The following TAB2 variants were observed in gnomAD, a reference collection of about 807,000 sequenced individuals.
TAB2 encodes TGF-beta-activated kinase 1 and MAP3K7-binding protein 2.
Under a neutral mutation model 65.0 loss-of-function variants are expected in TAB2, and 3 were observed. That is an observed-to-expected ratio of 0.05 (90% CI 0.02 to 0.12). The LOEUF (loss-of-function observed/expected upper bound fraction) is 0.12, where lower values mean the gene tolerates loss of function less well. Among genes scored for constraint, TAB2 ranks in the 10% least tolerant of loss-of-function variants. TAB2 has a pLI of 1.00. For synonymous variants in TAB2, 298 were observed against 285.1 expected, an observed-to-expected ratio of 1.05 and a Z score of -0.46; for missense variants, 623 against 840.3, an observed-to-expected ratio of 0.74 and a Z score of 3.20.
chr6:149,332,083 G>A (rs1215318750), intron 1 of TAB2, among the ~76,000 whole-genome samples: 2 of 152,148 alleles, frequency 1.3e-5, no homozygotes, highest in African/African-American at 4.8e-5. Context: ...TTTGGCGCAA[G>A]CAATTGGAAG....
At chr6:149,403,373 CAT>C (rs1361611139) in intron 6 of TAB2, among the ~76,000 whole-genome samples, 31 of 117,534 alleles carry the variant, frequency 2.6e-4, no homozygotes, top group Admixed American at 5.8e-4. Flanking sequence ...CACACACACA[CAT>C]ACACATACAC....
intron 1 of TAB2, among the ~76,000 whole-genome samples, chr6:149,260,349 G>T (rs1778126269): frequency 6.6e-6 from 1 of 152,340 alleles, no homozygotes; most frequent in African/African-American, 2.4e-5. Flanking sequence ...GCGTGCTCCA[G>T]CGCAGCCTTC....
chr6:149,307,975 T>C (rs189678902), intron 1 of TAB2, among the ~76,000 whole-genome samples: 237 of 152,320 alleles, frequency 1.6e-3, no homozygotes, highest in African/African-American at 5.6e-3. Context: ...ATAGTATTTT[T>C]GACAATGTCA....
chr6:149,277,369 T>A (rs1228670440), intron 1 of TAB2, among the ~76,000 whole-genome samples: 1 of 152,078 alleles, frequency 6.6e-6, no homozygotes, highest in Non-Finnish European at 1.5e-5. Flanking sequence ...AAAGAACAAA[T>A]AAGCTCTTTA....
At chr6:149,229,435 T>A (rs1474966716) in intron 1 of TAB2, among the ~76,000 whole-genome samples, 1 of 152,000 alleles carries the variant, frequency 6.6e-6, no homozygotes, top group African/African-American at 2.4e-5. Flanking sequence ...TGTGTGTAAT[T>A]TTTTTCTTTT....
At chr6:149,276,207 GTTTAT>G (rs1778470820) in intron 1 of TAB2, among the ~76,000 whole-genome samples, 2 of 152,062 alleles carry the variant, frequency 1.3e-5, no homozygotes, top group African/African-American at 4.8e-5. Context: ...AGGCTCTTGG[GTTTAT>G]TTTAAGCCTC....
upstream of TAB2, among the ~76,000 whole-genome samples, chr6:149,315,482 GCTTATAAA>G (rs1779233117): frequency 6.6e-6 from 1 of 152,030 alleles, no homozygotes; most frequent in South Asian, 2.1e-4. Flanking sequence ...CAGTGTGTTT[GCTTATAAA>G]CAAGGATATT....
intron 1 of TAB2, among the ~76,000 whole-genome samples, chr6:149,276,871 T>C (rs920954496): frequency 3.9e-5 from 6 of 152,234 alleles, no homozygotes; most frequent in African/African-American, 1.4e-4. Context: ...CACCCAAATA[T>C]CATCTTGATT....
chr6:149,259,718 A>G (rs1778113750), intron 1 of TAB2, among the ~76,000 whole-genome samples: 1 of 152,200 alleles, frequency 6.6e-6, no homozygotes, highest in Non-Finnish European at 1.5e-5. Flanking sequence ...TGCCACCTTT[A>G]AAACTTCTCC....
intron 1 of TAB2, among the ~76,000 whole-genome samples, chr6:149,323,695 TC>T (rs1779520184): frequency 6.6e-6 from 1 of 152,176 alleles, no homozygotes; most frequent in African/African-American, 2.4e-5. Context: ...ATTTTAGCTT[TC>T]CCCAAACTTA....
At chr6:149,321,911 G>A (rs1779467359) in intron 1 of TAB2, among the ~76,000 whole-genome samples, 1 of 152,090 alleles carries the variant, frequency 6.6e-6, no homozygotes, top group Non-Finnish European at 1.5e-5. Flanking sequence ...CATAAATGAG[G>A]CTTTGCTGAA....
intron 1 of TAB2, among the ~76,000 whole-genome samples, chr6:149,230,982 G>A (rs911620524): frequency 6.6e-6 from 1 of 152,208 alleles, no homozygotes; most frequent in African/African-American, 2.4e-5. Flanking sequence ...GTGCTATGGG[G>A]TAGGAATTGG....
intron 1 of TAB2, among the ~76,000 whole-genome samples, chr6:149,336,379 G>A (rs756263118): frequency 6.6e-6 from 1 of 152,000 alleles, no homozygotes; most frequent in Non-Finnish European, 1.5e-5. Flanking sequence ...GTATTTTCTG[G>A]TACTCGAAGT....
At chr6:149,329,097 A>G (rs913525328) in intron 1 of TAB2, among the ~76,000 whole-genome samples, 4 of 152,280 alleles carry the variant, frequency 2.6e-5, no homozygotes, top group Middle Eastern at 3.4e-3. Context: ...AAGACAGAGC[A>G]TCGAGATACC....
intron 1 of TAB2, among the ~76,000 whole-genome samples, chr6:149,283,582 C>T (rs916542468): frequency 6.6e-5 from 10 of 151,906 alleles, no homozygotes; most frequent in East Asian, 3.9e-4. Context: ...AGGTGGTGCA[C>T]GCCTGTAATC....
intron 2 of TAB2, among the ~76,000 whole-genome samples, chr6:149,374,468 C>T (rs1348157376): frequency 2.0e-5 from 3 of 152,156 alleles, no homozygotes; most frequent in Non-Finnish European, 4.4e-5. Context: ...GCGATCATCC[C>T]GCCTTGGCCT....
chr6:149,346,179 TTAG>T (rs1214786754), intron 1 of TAB2, among the ~76,000 whole-genome samples: 3 of 152,186 alleles, frequency 2.0e-5, no homozygotes, highest in Non-Finnish European at 4.4e-5. Flanking sequence ...TGATACTTTA[TTAG>T]TAGTAGCAAA....
chr6:149,381,981 T>C (rs1230141961), intron 3 of TAB2, among the ~76,000 whole-genome samples: 1 of 152,214 alleles, frequency 6.6e-6, no homozygotes, highest in African/African-American at 2.4e-5. Flanking sequence ...CCTTGCAGTC[T>C]TCTTTCAACT....
chr6:149,383,803 G>A (rs996061142), intron 3 of TAB2, among the ~76,000 whole-genome samples: 1 of 152,068 alleles, frequency 6.6e-6, no homozygotes, highest in East Asian at 1.9e-4. Flanking sequence ...GGCTGGTCTC[G>A]AACTCCTGAC....
Sources: allele counts gnomAD v4.1 joint callset (sites outside exome capture counted in the v4.1 genomes callset), GRCh38; gene constraint gnomAD v4.1.1; transcripts MANE v1.5; gene names NCBI Gene and HGNC (gene_info 2026-07-23, HGNC 2026-07-21).